The following CSMD2 variants were observed in gnomAD, a reference collection of about 807,000 sequenced individuals.
CSMD2 encodes CUB and Sushi multiple domains 2, also known as CUB and sushi domain-containing protein 2.
In CSMD2, 130 loss-of-function variants were observed where a neutral mutation model predicts 398.5. The observed-to-expected ratio is 0.33, with a 90% CI of 0.28 to 0.38. The LOEUF is 0.38. CSMD2 is among the 10% of genes least tolerant of loss of function. CSMD2 has a pLI of 1.00. For synonymous variants in CSMD2, 1,828 were observed against 1,908.5 expected, an observed-to-expected ratio of 0.96 and a Z score of 1.10; for missense variants, 3,829 against 4,764.9, an observed-to-expected ratio of 0.80 and a Z score of 5.78.
chr1:33,946,790 C>CTT (rs34749287), intron 3 of CSMD2, among the ~76,000 whole-genome samples: 2 of 143,790 alleles, frequency 1.4e-5, no homozygotes, highest in Non-Finnish European at 3.0e-5. Flanking sequence ...GTCCAGCTAA[C>CTT]TTTTTTTTTT....
At chr1:34,000,037 GTA>G (rs1196164575) in intron 3 of CSMD2, among the ~76,000 whole-genome samples, 1 of 152,096 alleles carries the variant, frequency 6.6e-6, no homozygotes, top group African/African-American at 2.4e-5. Flanking sequence ...AGTAGAAACT[GTA>G]TCTTTAGGGA....
chr1:34,042,046 A>T (rs932101640), intron 2 of CSMD2, among the ~76,000 whole-genome samples: 1 of 152,244 alleles, frequency 6.6e-6, no homozygotes, highest in Non-Finnish European at 1.5e-5. Context: ...TTTGCCAGTC[A>T]GAGAACCAGT....
In CSMD2 at chr1:33,693,013, C is replaced by G. The variant is rs547262593; in HGVS notation, c.3969G>C (p.Val1323=). 20 of 1,604,234 alleles carry G rather than the reference C, an allele frequency of 1.2e-5. No homozygotes were observed. The East Asian group carries it at 4.6e-4, about 37-fold the overall frequency. ...AGGGAGCTGGATACCCGGGTGACAG[C>G]ACCTGCCCCGACACCTCTCCTCTCA... is the stretch of plus-strand genomic sequence containing the variant. ...GTVRGEVSGQ[V]LSPGYPAPYE... Residue 1323 remains valine, a synonymous_variant, in exon 25 of 71, where the codon GTG becomes GTC. Coordinates refer to ENST00000373381, the MANE Select transcript of CSMD2 (RefSeq NM_001281956.2).
chr1:33,932,561 C>A (rs565466065), intron 4 of CSMD2, among the ~76,000 whole-genome samples: 1 of 152,278 alleles, frequency 6.6e-6, no homozygotes, highest in South Asian at 2.1e-4. Context: ...TATCTCTCCA[C>A]CCTGCTCCTT....
At chr1:33,623,342 A>G (rs1168043258) in intron 36 of CSMD2, 28 bp downstream of exon 36, 1 of 1,521,998 alleles carries the variant, frequency 6.6e-7, no homozygotes. Flanking sequence ...CTACCCTCCA[A>G]ATTGAAGCCC....
rs768058551 is a variant in CSMD2, at chr1:33,518,455, C to T, written c.*53+1010G>A. On this transcript the variant is annotated intron_variant, in intron 70 of 70. Coordinates refer to ENST00000373381, the MANE Select transcript of CSMD2 (RefSeq NM_001281956.2). This position sits in a 1 kb window ranked among gnomAD's most constrained non-coding sequence, Gnocchi z 4.3. ...TGTGTCTGCCCCCTGTCTATATTTCCGGGAGCTCCTCCCCTCTGTTGTGCT... is the reference window on the plus strand; with the variant it reads ...TGTGTCTGCCCCCTGTCTATATTTCTGGGAGCTCCTCCCCTCTGTTGTGCT... 1.3e-5 allele frequency among the ~76,000 whole-genome samples: 2 copies of T among 152,066 alleles called. No homozygotes were observed. Among genetic ancestry groups the T allele is most frequent in the East Asian group, 3.9e-4 (2 of 5,192 alleles).
intron 5 of CSMD2, among the ~76,000 whole-genome samples, chr1:33,917,612 T>G (rs1643792435): frequency 6.6e-6 from 1 of 152,186 alleles, no homozygotes; most frequent in Admixed American, 6.5e-5. Context: ...AGTCCTACCC[T>G]TCAGACACTG....
chr1:33,537,368 T>A lies in CSMD2; in HGVS notation c.9805+68A>T, dbSNP rs1655896339. On this transcript the variant is annotated intron_variant, in intron 61 of 70. Transcript: ENST00000373381. The surrounding 1 kb of genome is among the most constrained non-coding windows in gnomAD (Gnocchi z 4.6). ...TGAAGACAGGGAAGGAAAGTAATCA[T>A]CTCAGGCCCAAAAGAAGGTCTCCCG... 1 of 1,505,464 alleles carries A rather than the reference T, an allele frequency of 6.6e-7. No homozygotes were observed. Among genetic ancestry groups the A allele is most frequent in the African/African-American group, 1.4e-5 (1 of 72,262 alleles). The allele number at this position is 1,505,464 out of a possible 1,614,324, so 93.3% of individuals were successfully genotyped here. A position where few individuals can be genotyped will look rare whatever the true frequency, so the allele number is the denominator to read the frequency against.
At position 33,567,836 on chromosome 1, in the gene CSMD2, G is replaced by C; in HGVS notation, c.8137C>G (p.Gln2713Glu). The C allele has an allele frequency of 6.3e-7, 1 of 1,574,898 alleles. No homozygotes were observed. Among genetic ancestry groups the C allele is most frequent in the Non-Finnish European group, 8.6e-7 (1 of 1,159,816 alleles). Residue 2713 changes from glutamine to glutamate, a missense_variant, in exon 53 of 71, where the codon CAG becomes GAG. Coordinates refer to ENST00000373381, the MANE Select transcript of CSMD2 (RefSeq NM_001281956.2). Reference sequence around the variant, plus strand: ...TAGAAAATGGAGTGGAGCTTGGTCTGAGTGGCTAGAGACAGGGATGGTGGG... The same window carrying C: ...TAGAAAATGGAGTGGAGCTTGGTCTCAGTGGCTAGAGACAGGGATGGTGGG... The part of the protein sequence containing the change: ...SGSEVRCLAT[Q>E]TKLHSIFYKL...
intron 24 of CSMD2, among the ~76,000 whole-genome samples, chr1:33,697,580 T>A (rs1244860718): frequency 6.6e-6 from 1 of 152,164 alleles, no homozygotes; most frequent in Non-Finnish European, 1.5e-5. Context: ...GGTTCACACT[T>A]TCACCCTTGC....
intron 3 of CSMD2, among the ~76,000 whole-genome samples, chr1:34,027,513 C>T (rs1355756893): frequency 6.6e-6 from 1 of 152,146 alleles, no homozygotes; most frequent in Non-Finnish European, 1.5e-5. Flanking sequence ...AATTGCACTT[C>T]CAAGAATTTA....
intron 3 of CSMD2, among the ~76,000 whole-genome samples, chr1:33,952,859 T>C (rs905293784): frequency 6.6e-5 from 10 of 152,228 alleles, no homozygotes; most frequent in Non-Finnish European, 4.4e-5. Flanking sequence ...GATGTATAAA[T>C]GAGTGGATGG....
chr1:33,838,289 T>C (rs1660514392), intron 6 of CSMD2, among the ~76,000 whole-genome samples: 1 of 152,236 alleles, frequency 6.6e-6, no homozygotes, highest in Non-Finnish European at 1.5e-5. Flanking sequence ...GTATCCTTCT[T>C]TCAATGTTCT....
intron 3 of CSMD2, among the ~76,000 whole-genome samples, chr1:34,014,596 C>T (rs1227683480): frequency 1.3e-5 from 2 of 152,190 alleles, no homozygotes; most frequent in Admixed American, 1.3e-4. Flanking sequence ...CCTAGGCAAG[C>T]GACCACTGTG....
At chr1:33,623,745 A>T (rs1339774482) in intron 35 of CSMD2, among the ~76,000 whole-genome samples, 1 of 152,210 alleles carries the variant, frequency 6.6e-6, no homozygotes, top group African/African-American at 2.4e-5. Context: ...AAGTGGAAAG[A>T]CAGTCTCACT....
chr1:33,882,899 A>G (rs746300921), intron 5 of CSMD2, among the ~76,000 whole-genome samples: 1 of 151,982 alleles, frequency 6.6e-6, no homozygotes, highest in Non-Finnish European at 1.5e-5. Context: ...AGCCAACAGG[A>G]GCACCAAATT....
intron 25 of CSMD2, among the ~76,000 whole-genome samples, chr1:33,665,570 C>G (rs190910942): frequency 2.2e-4 from 32 of 147,706 alleles, no homozygotes; most frequent in Non-Finnish European, 4.5e-5. Flanking sequence ...GCTGGGACCA[C>G]AGTTAACATG....
chr1:34,149,370 GC>G (rs760577983), intron 1 of CSMD2, among the ~76,000 whole-genome samples: 1 of 152,098 alleles, frequency 6.6e-6, no homozygotes, highest in South Asian at 2.1e-4. Context: ...CGGCTGGCTG[GC>G]CTCACCTCAG....
chr1:33,789,416 G>C (rs566906198), intron 11 of CSMD2, among the ~76,000 whole-genome samples: 2 of 152,336 alleles, frequency 1.3e-5, no homozygotes, highest in Admixed American at 1.3e-4. Flanking sequence ...GAAGGTAGGG[G>C]TTGTCAGCCC....
Sources: gnomAD v4.1 joint callset for allele counts (sites outside exome capture counted in the v4.1 genomes callset) on GRCh38, gnomAD v4.1.1 for gene constraint, Gnocchi (gnomAD v3.1) non-coding constraint, MANE v1.5 for transcripts, NCBI Gene and HGNC (gene_info 2026-07-23, HGNC 2026-07-21) for gene names.